The following AVEN variants were observed in gnomAD, a reference collection of about 807,000 sequenced individuals.
AVEN encodes apoptosis and caspase activation inhibitor.
AVEN carries 41 observed loss-of-function variants against 38.1 expected under a neutral mutation model. The ratio of observed to expected loss-of-function variants is 1.08; its 90% CI spans 0.84 to 1.40. The LOEUF is 1.40. AVEN is among the 40% of genes most tolerant of loss of function. AVEN has a pLI of 0.00. For synonymous variants in AVEN, 206 were observed against 171.8 expected (o/e 1.20, Z -1.56); for missense variants, 605 against 438.8 (o/e 1.38, Z -3.38).
chr15:34,007,822 A>C (rs370233270), intron 1 of AVEN, among the ~76,000 whole-genome samples: 2 of 152,112 alleles, frequency 1.3e-5, no homozygotes, highest in African/African-American at 2.4e-5. Flanking sequence ...TCTGAGGGAG[A>C]ATCTATTCCA....
intron 2 of AVEN, among the ~76,000 whole-genome samples, chr15:33,943,483 T>TA (rs1894392930): frequency 6.6e-6 from 1 of 152,190 alleles, no homozygotes; most frequent in Non-Finnish European, 1.5e-5. Context: ...TAGTGTATAA[T>TA]ACAGAGTTTC....
chr15:33,852,985 TTGA>T, the AVEN span: 1 of 1,436,344 alleles, frequency 7.0e-7, no homozygotes, highest in Non-Finnish European at 9.6e-7. Flanking sequence ...GAAACGTTTC[TTGA>T]TGTGTTTTCC....
At chr15:34,043,062 A>C (rs564485437), upstream of AVEN, among the ~76,000 whole-genome samples, 1 of 152,016 alleles carries the variant, frequency 6.6e-6, no homozygotes. Flanking sequence ...CCTGGCTAAC[A>C]CAGTGAAACC....
intron 2 of AVEN, among the ~76,000 whole-genome samples, chr15:33,996,937 C>T (rs989743079): frequency 3.9e-5 from 6 of 152,116 alleles, no homozygotes; most frequent in South Asian, 2.1e-4. Context: ...TCGAACCCAT[C>T]GCAAGGAAGC....
chr15:34,061,284 T>C (rs1300087730), intron 5 of AVEN, among the ~76,000 whole-genome samples: 1 of 152,110 alleles, frequency 6.6e-6, no homozygotes, highest in Non-Finnish European at 1.5e-5. Flanking sequence ...AGGGAAAATT[T>C]CATTTTAGTT....
At chr15:33,960,791 C>T (rs1160504852) in intron 2 of AVEN, among the ~76,000 whole-genome samples, 6 of 152,068 alleles carry the variant, frequency 3.9e-5, no homozygotes, top group African/African-American at 9.7e-5. Flanking sequence ...GCTTGTCTTC[C>T]GCGGTCCATT....
chr15:33,864,825 G>C, downstream of AVEN: 1 of 281,372 alleles, frequency 3.6e-6, no homozygotes, highest in South Asian at 9.0e-5. Context: ...TTCCACCAGC[G>C]GCATGGAATC....
At chr15:33,948,763 C>G (rs1894605143) in intron 2 of AVEN, among the ~76,000 whole-genome samples, 2 of 152,134 alleles carry the variant, frequency 1.3e-5, no homozygotes, top group Non-Finnish European at 2.9e-5. Flanking sequence ...ACCTCTACCT[C>G]CTGGGTTCAA....
exon 12 of AVEN, chr15:33,858,892 T>C (rs781551053): frequency 6.6e-6 from 1 of 152,460 alleles, no homozygotes; most frequent in African/African-American, 2.4e-5. Flanking sequence ...AAACTCTCCA[T>C]GTGCTTTCTC....
intron 2 of AVEN, among the ~76,000 whole-genome samples, chr15:33,990,253 G>A (rs553973639): frequency 1.4e-4 from 22 of 151,972 alleles, no homozygotes; most frequent in African/African-American, 4.3e-4. Flanking sequence ...GTTGAGGTGC[G>A]TGCCTATAGT....
chr15:33,986,232 G>A (rs1987383), intron 2 of AVEN, among the ~76,000 whole-genome samples: 141,923 of 151,822 alleles, frequency 0.93, 66,934 homozygotes, highest in Non-Finnish European at 1. Context: ...TCAGCCTCCC[G>A]AGTAGCTGGG....
rs768937925 is a variant in AVEN at position 33,867,491 on chromosome 15, AT to A, written c.973+3del. On this transcript the variant is annotated splice_donor_region_variant and intron_variant, in intron 5 of 5. Coordinates refer to ENST00000306730, the MANE Select transcript of AVEN (RefSeq NM_020371.3). The stretch of plus-strand genomic sequence containing the variant: ...ATTCACGGGGAATAAAATGAAAGCC[AT>A]ACCTTCTTCCTCTTGGACCACCTCC... 21 of 1,560,260 alleles carry A rather than the reference AT, an allele frequency of 1.3e-5. No individual in the cohort carries two copies. The South Asian group carries it at 2.6e-4, about 20-fold the overall frequency.
upstream of AVEN, among the ~76,000 whole-genome samples, chr15:34,043,907 T>C (rs1899583546): frequency 3.3e-5 from 5 of 152,274 alleles, no homozygotes; most frequent in South Asian, 1.0e-3. Flanking sequence ...CCTGTTAGTA[T>C]AGAGGGGTCT....
intron 1 of AVEN, among the ~76,000 whole-genome samples, chr15:34,013,418 A>G (rs1225390082): frequency 6.6e-6 from 1 of 152,228 alleles, no homozygotes; most frequent in Non-Finnish European, 1.5e-5. Flanking sequence ...CCTTCCCAGG[A>G]TAAACTTATT....
chr15:33,971,510 G>C (rs1895636951), intron 2 of AVEN, among the ~76,000 whole-genome samples: 2 of 151,990 alleles, frequency 1.3e-5, no homozygotes, highest in African/African-American at 2.4e-5. Flanking sequence ...TCCATTTCGT[G>C]TATGTTGACA....
intron 2 of AVEN, among the ~76,000 whole-genome samples, chr15:33,933,002 T>C (rs1597245401): frequency 8.8e-6 from 1 of 113,240 alleles, no homozygotes; most frequent in Non-Finnish European, 2.1e-5. Flanking sequence ...TTGTTTCTGG[T>C]ATATGTGGGA....
At chr15:34,061,420 A>G (rs1238834755) in intron 5 of AVEN, among the ~76,000 whole-genome samples, 1 of 152,252 alleles carries the variant, frequency 6.6e-6, no homozygotes, top group Non-Finnish European at 1.5e-5. Context: ...GTCTGTGATA[A>G]TTCATTTGTT....
rs78673329 is a variant in AVEN at position 33,910,267 on chromosome 15, A to G, written c.446-34272T>C. On this transcript the variant is annotated intron_variant, in intron 2 of 5. Coordinates refer to ENST00000306730, the MANE Select transcript of AVEN (RefSeq NM_020371.3). Reference sequence around the variant, plus strand: ...CAATGGGGAGCTAAAAGAAGTGTGAAAAAACAAGAGGGGAAGGTGTGAGGT... The same window carrying G: ...CAATGGGGAGCTAAAAGAAGTGTGAGAAAACAAGAGGGGAAGGTGTGAGGT... 9.8e-4 allele frequency among the ~76,000 whole-genome samples: 150 copies of G among 152,346 alleles called. 1 individual carries two copies. In the East Asian group the frequency reaches 0.027, roughly 28 times the overall value.
intron 5 of AVEN, among the ~76,000 whole-genome samples, chr15:34,051,830 A>T (rs1899934220): frequency 6.6e-6 from 1 of 152,104 alleles, no homozygotes. Flanking sequence ...TGAGTTCTGA[A>T]ATTGAGGCAC....
Sources: gnomAD v4.1 joint callset for allele counts (sites outside exome capture counted in the v4.1 genomes callset) on GRCh38, gnomAD v4.1.1 for gene constraint, MANE v1.5 for transcripts, NCBI Gene and HGNC (gene_info 2026-07-23, HGNC 2026-07-21) for gene names.